Variants in GNA14 observed in about 807,000 individuals in gnomAD.
The protein encoded by GNA14 is guanine nucleotide-binding protein subunit alpha-14.
Under a neutral mutation model 42.0 loss-of-function variants are expected in GNA14, and 50 were observed. The observed-to-expected ratio is 1.19, with a 90% CI of 0.95 to 1.51. The LOEUF is 1.51. Among genes scored for constraint, GNA14 ranks in the 40% most tolerant of loss-of-function variants. The pLI is 0.00. For missense variants in GNA14, 473 were observed against 446.2 expected (o/e 1.06, Z -0.54); for synonymous variants, 173 against 163.1 (o/e 1.06, Z -0.46).
chr9:77,601,259 C>T (rs1191734620), intron 1 of GNA14, among the ~76,000 whole-genome samples: 1 of 152,102 alleles, frequency 6.6e-6, no homozygotes. Flanking sequence ...GTCTGTGTGC[C>T]TAACTTTTCC....
chr9:77,493,052 A>C (rs1398701265), intron 2 of GNA14, among the ~76,000 whole-genome samples: 4 of 117,874 alleles, frequency 3.4e-5, no homozygotes, highest in Non-Finnish European at 7.0e-5. Flanking sequence ...TATATTTGGG[A>C]GATGCTCAGA....
intron 1 of GNA14, among the ~76,000 whole-genome samples, chr9:77,596,489 T>TAC (rs1823469694): frequency 6.6e-6 from 1 of 152,166 alleles, no homozygotes; most frequent in Non-Finnish European, 1.5e-5. Context: ...CCTCCTCGCC[T>TAC]ACACCTCCCT....
At chr9:77,561,924 G>A (rs970015254) in intron 1 of GNA14, among the ~76,000 whole-genome samples, 2 of 152,116 alleles carry the variant, frequency 1.3e-5, no homozygotes, top group African/African-American at 4.8e-5. Context: ...TATTAAAAAC[G>A]GTCTTAGGAA....
intron 1 of GNA14, among the ~76,000 whole-genome samples, chr9:77,552,149 AAAAG>A (rs891035285): frequency 1.1e-4 from 16 of 151,638 alleles, no homozygotes; most frequent in Non-Finnish European, 1.0e-4. Flanking sequence ...AAAAAAAAGA[AAAAG>A]AAAGAAAGAA....
Position 77,571,392 on chromosome 9 carries a change from G to A in GNA14, c.125-42139C>T, listed in dbSNP as rs568697608. ...GATTTAAGAGGGTCTTATTTGTAGT[G>A]TATGGAAGAATATCTTAAATCAATG... On this transcript the variant is annotated intron_variant, in intron 1 of 6. Coordinates refer to ENST00000341700, the MANE Select transcript of GNA14 (RefSeq NM_004297.4). Among the ~76,000 whole-genome samples the A allele has an allele frequency of 5.3e-5, 8 of 152,114 alleles. No individual in the cohort carries two copies. In the East Asian group the frequency reaches 1.5e-3, roughly 29 times the overall value.
At chr9:77,544,886 C>T (rs1027886687) in intron 1 of GNA14, among the ~76,000 whole-genome samples, 5 of 151,938 alleles carry the variant, frequency 3.3e-5, no homozygotes, top group South Asian at 2.1e-4. Context: ...ACACCAGGGC[C>T]GTGATAAGAC....
chr9:77,602,417 G>T (rs1044400467), intron 1 of GNA14, among the ~76,000 whole-genome samples: 1 of 152,128 alleles, frequency 6.6e-6, no homozygotes, highest in Non-Finnish European at 1.5e-5. Context: ...TTCAATGAAC[G>T]GTGTAAAACA....
chr9:77,509,736 T>A (rs1564036140), intron 2 of GNA14, among the ~76,000 whole-genome samples: 1 of 151,890 alleles, frequency 6.6e-6, no homozygotes, highest in South Asian at 2.1e-4. Flanking sequence ...CTTGTATAGG[T>A]TGGTGAGAAA....
At chr9:77,449,609 G>A (rs1037636822) in intron 2 of GNA14, among the ~76,000 whole-genome samples, 1 of 152,082 alleles carries the variant, frequency 6.6e-6, no homozygotes, top group Non-Finnish European at 1.5e-5. Context: ...TCCCTGGGGC[G>A]CTGCTGACTT....
intron 1 of GNA14, among the ~76,000 whole-genome samples, chr9:77,581,194 G>A (rs1049374049): frequency 2.0e-5 from 3 of 152,146 alleles, no homozygotes; most frequent in African/African-American, 7.2e-5. Context: ...CATTTACCGG[G>A]ACCACATGAA....
At chr9:77,582,053 T>A (rs1823233705) in intron 1 of GNA14, among the ~76,000 whole-genome samples, 1 of 152,246 alleles carries the variant, frequency 6.6e-6, no homozygotes, top group Non-Finnish European at 1.5e-5. Flanking sequence ...CTCCATTGTT[T>A]CACAAATTAT....
intron 1 of GNA14, among the ~76,000 whole-genome samples, chr9:77,533,117 T>TCA (rs1837552345): frequency 6.6e-6 from 1 of 151,870 alleles, no homozygotes; most frequent in Admixed American, 6.6e-5. Flanking sequence ...TTAGTTTTTC[T>TCA]GTTTTCATAT....
chr9:77,538,799 T>A (rs879131719), intron 1 of GNA14, among the ~76,000 whole-genome samples: 1 of 152,230 alleles, frequency 6.6e-6, no homozygotes, highest in Non-Finnish European at 1.5e-5. Flanking sequence ...CTTTAGGGAA[T>A]GTATTTATCA....
chr9:77,592,339 A>G (rs972718479), intron 1 of GNA14, among the ~76,000 whole-genome samples: 2 of 152,222 alleles, frequency 1.3e-5, no homozygotes, highest in South Asian at 2.1e-4. Flanking sequence ...CCCTGATGGC[A>G]TAAGTGAAGG....
intron 2 of GNA14, among the ~76,000 whole-genome samples, chr9:77,457,887 T>A (rs1331024454): frequency 6.6e-6 from 1 of 152,150 alleles, no homozygotes; most frequent in Non-Finnish European, 1.5e-5. Context: ...GCTTTTTTTT[T>A]TCTTTTTCTT....
rs144400767 is a variant in GNA14 at position 77,537,087 on chromosome 9, A to C, written c.125-7834T>G. ...CATGTCTCTGTGTCAGTAACATTTCAAGTCCTCTCTTCTAGCTACTTTGAG... is the reference window on the plus strand; with the variant it reads ...CATGTCTCTGTGTCAGTAACATTTCCAGTCCTCTCTTCTAGCTACTTTGAG... On this transcript the variant is annotated intron_variant, in intron 1 of 6. Coordinates refer to ENST00000341700, the MANE Select transcript of GNA14 (RefSeq NM_004297.4). 7.2e-5 allele frequency among the ~76,000 whole-genome samples: 11 copies of C among 152,214 alleles called. No homozygotes were observed. The East Asian group carries it at 1.7e-3, about 24-fold the overall frequency.
intron 1 of GNA14, among the ~76,000 whole-genome samples, chr9:77,623,208 C>T (rs140832243): frequency 0.025 from 1,451 of 57,794 alleles, 12 homozygotes; most frequent in Non-Finnish European, 0.037. Flanking sequence ...AAGAGTGAGA[C>T]GCTGTCTCAA....
chr9:77,565,088 A>T (rs1324123173), intron 1 of GNA14, among the ~76,000 whole-genome samples: 1 of 152,074 alleles, frequency 6.6e-6, no homozygotes, highest in Admixed American at 6.5e-5. Flanking sequence ...AGTGCTTTCC[A>T]TGTTGTAGTT....
chr9:77,469,575 T>A lies in GNA14; in HGVS notation c.310-35053A>T, dbSNP rs138489007. Among the ~76,000 whole-genome samples, 123 of 149,866 alleles carry A rather than the reference T, an allele frequency of 8.2e-4. No individual in the cohort carries two copies. The East Asian group carries it at 0.021, about 25-fold the overall frequency. ...CTGGTTAAAGATTATGATTAATCAG[T>A]CAGTTGGGTGGACAACCCTAACTTC... On this transcript the variant is annotated intron_variant, in intron 2 of 6. Transcript: ENST00000341700.
Sources: gnomAD v4.1 joint callset for allele counts (sites outside exome capture counted in the v4.1 genomes callset) on GRCh38, gnomAD v4.1.1 for gene constraint, MANE v1.5 for transcripts, NCBI Gene and HGNC (gene_info 2026-07-23, HGNC 2026-07-21) for gene names.